GUCA1C: variants seen among roughly 807,000 people sequenced by gnomAD.
The protein encoded by GUCA1C is guanylate cyclase activator 1C, also known as guanylyl cyclase-activating protein 3.
A neutral mutation model predicts 16.2 loss-of-function variants in GUCA1C; 15 were observed. The observed-to-expected ratio is 0.93, with a 90% CI of 0.62 to 1.43. The LOEUF is 1.43. GUCA1C is among the 40% of genes most tolerant of loss of function. The pLI, the probability that GUCA1C is intolerant of heterozygous loss-of-function variation, is 0.00. For missense variants in GUCA1C, 275 were observed against 244.8 expected, an observed-to-expected ratio of 1.12 and a Z score of -0.82; for synonymous variants, 78 against 85.4, an observed-to-expected ratio of 0.91 and a Z score of 0.48.
At chr3:108,923,921 G>A (rs562232995) in intron 1 of GUCA1C, among the ~76,000 whole-genome samples, 1 of 152,116 alleles carries the variant, frequency 6.6e-6, no homozygotes, top group African/African-American at 2.4e-5. Context: ...ATTGTGAAAG[G>A]GGTTGAGTTC....
chr3:108,916,312 G>A, intron 2 of GUCA1C, 98 bp from the exon 3 acceptor site: 2 of 1,132,306 alleles, frequency 1.8e-6, no homozygotes, highest in East Asian at 2.4e-5. Context: ...GGGATGTGTT[G>A]TCGGTTGCTA....
intron 1 of GUCA1C, among the ~76,000 whole-genome samples, chr3:108,926,164 A>G (rs1946621363): frequency 6.6e-6 from 1 of 151,720 alleles, no homozygotes; most frequent in African/African-American, 2.4e-5. Context: ...TGGCTAGTCC[A>G]TTTATTACTA....
intron 1 of GUCA1C, among the ~76,000 whole-genome samples, chr3:108,941,618 T>C (rs1047555713): frequency 1.3e-5 from 2 of 152,174 alleles, no homozygotes; most frequent in Admixed American, 6.5e-5. Flanking sequence ...ATCTGACAAG[T>C]GAGTATTCTT....
At chr3:108,954,409 T>C (rs1946929499), upstream of GUCA1C, among the ~76,000 whole-genome samples, 1 of 152,172 alleles carries the variant, frequency 6.6e-6, no homozygotes, top group East Asian at 1.9e-4. Context: ...AGGAACATAT[T>C]GGGCTGTGTC....
At chr3:108,928,903 A>G (rs2593913) in intron 1 of GUCA1C, among the ~76,000 whole-genome samples, 38,539 of 152,102 alleles carry the variant, frequency 0.25, 5,395 homozygotes, top group Middle Eastern at 0.35. Flanking sequence ...CTCCTTCAAT[A>G]TTATATTGGC....
At chr3:108,948,140 T>C (rs767638443) in intron 1 of GUCA1C, among the ~76,000 whole-genome samples, 1 of 152,168 alleles carries the variant, frequency 6.6e-6, no homozygotes, top group East Asian at 1.9e-4. Context: ...TCCTCTGATA[T>C]GGTTTGGCTC....
intron 2 of GUCA1C, among the ~76,000 whole-genome samples, chr3:108,918,699 C>G (rs1444487954): frequency 6.6e-6 from 1 of 152,164 alleles, no homozygotes; most frequent in African/African-American, 2.4e-5. Flanking sequence ...TCCTTGCAAT[C>G]TCTTAATGCC....
At chr3:108,939,012 C>T (rs1946757424) in intron 1 of GUCA1C, among the ~76,000 whole-genome samples, 1 of 152,294 alleles carries the variant, frequency 6.6e-6, no homozygotes, top group South Asian at 2.1e-4. Context: ...CTTCTGAATA[C>T]TATAGTTAAT....
chr3:108,938,671 T>C (rs1448804430), intron 1 of GUCA1C, among the ~76,000 whole-genome samples: 1 of 152,234 alleles, frequency 6.6e-6, no homozygotes, highest in Non-Finnish European at 1.5e-5. Flanking sequence ...ATGGAATTGC[T>C]GGAACGTCCT....
chr3:108,935,960 G>C (rs988934758), intron 1 of GUCA1C, among the ~76,000 whole-genome samples: 2 of 152,106 alleles, frequency 1.3e-5, no homozygotes, highest in African/African-American at 4.8e-5. Context: ...CAGGTACAAA[G>C]TTAAATTATA....
At position 108,927,706 on chromosome 3, in the gene GUCA1C, G is replaced by A. The variant is rs148111241; in HGVS notation, c.205-7121C>T. ...TGCTTCCTTGATTAGCTTAATAATC[G>A]ACCTTCTGAATTCTATTTTGCAGTT... On this transcript the variant is annotated intron_variant, in intron 1 of 3. Transcript: ENST00000261047. 2.6e-3 allele frequency among the ~76,000 whole-genome samples: 395 copies of A among 152,006 alleles called. 4 individuals carry two copies. The highest frequency in any genetic ancestry group is 9.0e-3 in the African/African-American group (374 of 41,462).
rs373830817 is a variant in GUCA1C at position 108,936,897 on chromosome 3, C to G, written c.205-16312G>C. On this transcript the variant is annotated intron_variant, in intron 1 of 3. Coordinates refer to ENST00000261047, the MANE Select transcript of GUCA1C (RefSeq NM_005459.4). The stretch of plus-strand genomic sequence containing the variant: ...CCACTTCTAGGGCCCTCCCACACCT[C>G]TCCTTCAGTGCCATCTGGCTCATTC... Among the ~76,000 whole-genome samples the G allele has an allele frequency of 6.6e-5, 10 of 152,292 alleles. No individual in the cohort carries two copies. The South Asian group carries it at 2.1e-3, about 32-fold the overall frequency.
chr3:108,927,860 A>T (rs35298802), intron 1 of GUCA1C, among the ~76,000 whole-genome samples: 4,267 of 152,278 alleles, frequency 0.028, 79 homozygotes, highest in Middle Eastern at 0.12. Context: ...AGAGGGAAGA[A>T]CTGAGATTCA....
intron 1 of GUCA1C, among the ~76,000 whole-genome samples, chr3:108,947,594 G>T (rs1946854583): frequency 6.6e-6 from 1 of 152,080 alleles, no homozygotes; most frequent in South Asian, 2.1e-4. Flanking sequence ...AGTACTTATG[G>T]TTTAAAAATG....
intron 1 of GUCA1C, among the ~76,000 whole-genome samples, chr3:108,929,039 C>T (rs947076650): frequency 3.9e-5 from 6 of 152,172 alleles, no homozygotes; most frequent in African/African-American, 1.2e-4. Context: ...GAAGTGACAC[C>T]TTGACAATAC....
Position 108,908,168 on chromosome 3 carries a change from C to T in GUCA1C, c.484G>A (p.Asp162Asn). 6.2e-7 allele frequency: 1 copy of T among 1,613,770 alleles called. No homozygotes were observed. The highest frequency in any genetic ancestry group is 8.5e-7 in the Non-Finnish European group (1 of 1,179,748). The change falls in exon 4 of 4, where the codon GAT becomes AAT. Residue 162 changes from aspartate (D) to asparagine (N), a missense_variant. Coordinates refer to ENST00000261047, the MANE Select transcript of GUCA1C (RefSeq NM_005459.4). ...TAAACAATCTCCAGGAGATCCTGATCTTTTGCCATGCCATTGATAAATTCT... is the reference window on the plus strand; with the variant it reads ...TAAACAATCTCCAGGAGATCCTGATTTTTTGCCATGCCATTGATAAATTCT... ...LEEFINGMAK[D>N]QDLLEIVYKS...
At chr3:108,936,002 T>C (rs1946724006) in intron 1 of GUCA1C, among the ~76,000 whole-genome samples, 1 of 152,074 alleles carries the variant, frequency 6.6e-6, no homozygotes, top group Non-Finnish European at 1.5e-5. Context: ...TGGCGGCTTA[T>C]GCTTGTAATC....
At chr3:108,935,129 T>G (rs954987362) in intron 1 of GUCA1C, among the ~76,000 whole-genome samples, 1 of 151,886 alleles carries the variant, frequency 6.6e-6, no homozygotes, top group Non-Finnish European at 1.5e-5. Context: ...TGCTCTTAAG[T>G]AGGAGCTAAA....
At chr3:108,926,295 T>A (rs1019601382) in intron 1 of GUCA1C, among the ~76,000 whole-genome samples, 10 of 152,226 alleles carry the variant, frequency 6.6e-5, no homozygotes, top group African/African-American at 2.4e-4. Flanking sequence ...TTCCACCCCC[T>A]TACCTTAAGT....
Sources: gnomAD v4.1 joint callset for allele counts (sites outside exome capture counted in the v4.1 genomes callset) on GRCh38, gnomAD v4.1.1 for gene constraint, MANE v1.5 for transcripts, NCBI Gene and HGNC (gene_info 2026-07-23, HGNC 2026-07-21) for gene names.